The following CRTAC1 variants were observed in gnomAD, a reference collection of about 807,000 sequenced individuals.
The protein encoded by CRTAC1 is cartilage acidic protein 1.
In CRTAC1, 37 loss-of-function variants were observed where a neutral mutation model predicts 67.8. That is an observed-to-expected ratio of 0.55 (90% CI 0.42 to 0.72). The LOEUF is 0.72. Among genes scored for constraint, CRTAC1 ranks in the 30% least tolerant of loss-of-function variants. The pLI, the probability that CRTAC1 is intolerant of heterozygous loss-of-function variation, is 0.00. For missense variants in CRTAC1, 780 were observed against 931.6 expected (o/e 0.84, Z 2.12); for synonymous variants, 348 against 371.0 (o/e 0.94, Z 0.71).
intron 14 of CRTAC1, 112 bp from the exon 15 acceptor site, chr10:97,865,826 GAGGGAGGGT>G: frequency 7.7e-6 from 6 of 778,972 alleles, no homozygotes; most frequent in African/African-American, 1.8e-5. Context: ...CCCGGGGTGG[GAGGGAGGGT>G]GACGGGCCTC....
intron 11 of CRTAC1, among the ~76,000 whole-genome samples, chr10:97,888,888 GA>G (rs1405842242): frequency 6.6e-6 from 1 of 152,204 alleles, no homozygotes; most frequent in African/African-American, 2.4e-5. Flanking sequence ...GAGGCAGAGA[GA>G]ATTGCACTTT....
chr10:97,963,540 C>T (rs1474375211), intron 2 of CRTAC1, among the ~76,000 whole-genome samples: 1 of 152,188 alleles, frequency 6.6e-6, no homozygotes, highest in Non-Finnish European at 1.5e-5. Flanking sequence ...GCTTCAGGGC[C>T]TGGCACAGCC....
chr10:98,020,176 C>G (rs1310480272), intron 1 of CRTAC1, among the ~76,000 whole-genome samples: 1 of 152,234 alleles, frequency 6.6e-6, no homozygotes, highest in African/African-American at 2.4e-5. Context: ...GCTGTCAGAG[C>G]TCCCTTCCTA....
chr10:97,884,171 T>C lies in CRTAC1; in HGVS notation c.1632+35A>G, dbSNP rs1178946937. 4 of 1,546,866 alleles carry C rather than the reference T, an allele frequency of 2.6e-6. No individual in the cohort carries two copies. The South Asian group carries it at 3.6e-5, about 14-fold the overall frequency. On this transcript the variant is annotated intron_variant, in intron 12 of 14. Coordinates refer to ENST00000370597, the MANE Select transcript of CRTAC1 (RefSeq NM_018058.7). ...CCATGGGGTTGTGGGTGGTGCCCGCTTTTCTGGCTATGAGGCCCAGATGCC... is the reference window on the plus strand; with the variant it reads ...CCATGGGGTTGTGGGTGGTGCCCGCCTTTCTGGCTATGAGGCCCAGATGCC...
intron 2 of CRTAC1, among the ~76,000 whole-genome samples, chr10:97,977,156 T>C (rs11189456): frequency 6.6e-6 from 1 of 152,240 alleles, no homozygotes; most frequent in Admixed American, 6.5e-5. Flanking sequence ...TCTGAACAGC[T>C]GGACCAGGTG....
intron 3 of CRTAC1, among the ~76,000 whole-genome samples, chr10:97,929,006 C>T (rs772130078): frequency 1.2e-4 from 18 of 152,012 alleles, no homozygotes; most frequent in Non-Finnish European, 2.5e-4. Context: ...CGAGTGGCCA[C>T]TATTTTAGGA....
chr10:97,906,890 T>C (rs1339716248), intron 6 of CRTAC1, among the ~76,000 whole-genome samples: 1 of 152,132 alleles, frequency 6.6e-6, no homozygotes, highest in Non-Finnish European at 1.5e-5. Flanking sequence ...AGGGATTCGA[T>C]GTGAACTGCT....
At chr10:98,022,039 T>C (rs1182132624) in intron 1 of CRTAC1, among the ~76,000 whole-genome samples, 2 of 152,156 alleles carry the variant, frequency 1.3e-5, no homozygotes, top group African/African-American at 4.8e-5. Flanking sequence ...CACAATTCAG[T>C]GGGATAACCT....
intron 2 of CRTAC1, among the ~76,000 whole-genome samples, chr10:97,976,058 G>A (rs2051795849): frequency 6.6e-6 from 1 of 152,192 alleles, no homozygotes; most frequent in African/African-American, 2.4e-5. Context: ...ACAGGGAGGT[G>A]CGTGCCTGGA....
At chr10:97,879,865 T>TGGGGGGGGGG in intron 14 of CRTAC1, 1 of 226,632 alleles carries the variant, frequency 4.4e-6, no homozygotes, top group Non-Finnish European at 8.7e-6. Flanking sequence ...GGGGACGGGG[T>TGGGGGGGGGG]GGGGGTGGAG....
intron 2 of CRTAC1, among the ~76,000 whole-genome samples, chr10:97,955,729 T>C (rs937575909): frequency 6.6e-6 from 1 of 152,236 alleles, no homozygotes. Flanking sequence ...AGCCCCAGGA[T>C]GATGACATGT....
intron 12 of CRTAC1, among the ~76,000 whole-genome samples, chr10:97,883,918 G>A (rs557234871): frequency 5.9e-4 from 90 of 152,342 alleles, no homozygotes; most frequent in African/African-American, 2.1e-3. Flanking sequence ...GCCTTGGTGG[G>A]CCTTGGTGGA....
At chr10:97,931,674 G>C (rs2051005707) in intron 3 of CRTAC1, among the ~76,000 whole-genome samples, 1 of 152,240 alleles carries the variant, frequency 6.6e-6, no homozygotes, top group Non-Finnish European at 1.5e-5. Flanking sequence ...CAATCATTTT[G>C]TGGAACTGAA....
rs923378943 is a variant in CRTAC1 at position 97,989,257 on chromosome 10, ATCTC to A, written c.224+21877_224+21880del. Among the ~76,000 whole-genome samples the A allele has an allele frequency of 1.6e-3, 235 of 151,176 alleles. 4 individuals are homozygous for A. The highest frequency in any genetic ancestry group is 4.7e-4 in the Non-Finnish European group (32 of 67,730). ...CCGATTCCTCATAATAAATAAATCA[ATCTC>A]TCTCTCTCTCCCCCCACCCAACGCA... On this transcript the variant is annotated intron_variant, in intron 2 of 14. Transcript: ENST00000370597.
At chr10:97,999,999 C>G (rs946743987) in intron 2 of CRTAC1, among the ~76,000 whole-genome samples, 1 of 152,170 alleles carries the variant, frequency 6.6e-6, no homozygotes, top group Non-Finnish European at 1.5e-5. Context: ...GTTACCCTCT[C>G]TGCTAGGAGC....
chr10:97,892,376 G>C (rs2050388042), intron 11 of CRTAC1, among the ~76,000 whole-genome samples: 1 of 152,212 alleles, frequency 6.6e-6, no homozygotes, highest in African/African-American at 2.4e-5. Flanking sequence ...CGGAGTGGGG[G>C]AGTTGATATC....
intron 1 of CRTAC1, among the ~76,000 whole-genome samples, chr10:98,017,447 C>T (rs918420897): frequency 1.2e-4 from 18 of 151,854 alleles, no homozygotes; most frequent in African/African-American, 2.9e-4. Flanking sequence ...GGGAGATGTG[C>T]GGAGGGGGAA....
chr10:97,866,085 C>T, intron 14 of CRTAC1: 1 of 212,392 alleles, frequency 4.7e-6, no homozygotes. Context: ...TCCCACACTG[C>T]ATGACCCCTC....
chr10:97,997,002 G>A (rs1273810386), intron 2 of CRTAC1, among the ~76,000 whole-genome samples: 4 of 145,732 alleles, frequency 2.7e-5, no homozygotes, highest in East Asian at 2.1e-4. Context: ...ACCAAACACC[G>A]CATGTTCTCA....
Sources: gnomAD v4.1 joint callset for allele counts (sites outside exome capture counted in the v4.1 genomes callset) on GRCh38, gnomAD v4.1.1 for gene constraint, MANE v1.5 for transcripts, NCBI Gene and HGNC (gene_info 2026-07-23, HGNC 2026-07-21) for gene names.